Variants in HMGA2 observed in about 807,000 individuals in gnomAD.
The protein encoded by HMGA2 is high mobility group protein HMGI-C.
A neutral mutation model predicts 19.1 loss-of-function variants in HMGA2; 8 were observed. That is an observed-to-expected ratio of 0.42 (90% CI 0.25 to 0.76). The LOEUF is 0.76. Among genes scored for constraint, HMGA2 ranks in the 30% least tolerant of loss-of-function variants. The pLI, the probability that HMGA2 is intolerant of heterozygous loss-of-function variation, is 0.28. For missense variants in HMGA2, 109 were observed against 136.3 expected, an observed-to-expected ratio of 0.80 and a Z score of 1.00; for synonymous variants, 60 against 48.8, an observed-to-expected ratio of 1.23 and a Z score of -0.96.
chr12:65,939,144 A>G (rs888244356), intron 3 of HMGA2, among the ~76,000 whole-genome samples: 2 of 152,166 alleles, frequency 1.3e-5, no homozygotes, highest in Non-Finnish European at 2.9e-5. Flanking sequence ...CATAGTAGGG[A>G]CTGAGTGAGT....
intron 3 of HMGA2, among the ~76,000 whole-genome samples, chr12:65,943,246 A>G (rs11175975): frequency 0.011 from 1,651 of 152,362 alleles, 16 homozygotes; most frequent in Middle Eastern, 0.034. Context: ...CCACTTCATC[A>G]GGTCAGAATC....
In HMGA2 at chr12:65,933,628, C is replaced by T. The variant is rs190402975; in HGVS notation, c.250-17755C>T. ...TTTACCAAACTATACCTTGCTTCCT[C>T]AGTAGCTATGCATAGGTAAGTCTGT... On this transcript the variant is annotated intron_variant, in intron 3 of 4. Coordinates refer to ENST00000403681, the MANE Select transcript of HMGA2 (RefSeq NM_003483.6). Among the ~76,000 whole-genome samples the T allele has an allele frequency of 3.3e-5, 5 of 152,306 alleles. 2 individuals carry two copies. Among genetic ancestry groups the T allele is most frequent in the Admixed American group, 2.6e-4 (4 of 15,296 alleles).
intron 3 of HMGA2, chr12:65,866,837 G>T (rs1422400963): frequency 2.2e-6 from 1 of 456,916 alleles, no homozygotes; most frequent in Non-Finnish European, 4.4e-6. Context: ...AAGATTGCTT[G>T]CCATTGCCCT....
intron 3 of HMGA2, chr12:65,856,525 T>C (rs1871750416): frequency 6.6e-6 from 1 of 152,256 alleles, no homozygotes; most frequent in South Asian, 2.1e-4. Context: ...CCATTGGGAA[T>C]GTTGACCACA....
intron 3 of HMGA2, among the ~76,000 whole-genome samples, chr12:65,905,258 C>G (rs1435629338): frequency 6.6e-6 from 1 of 151,530 alleles, no homozygotes; most frequent in East Asian, 1.9e-4. Flanking sequence ...GTATAATTAA[C>G]AATATTGATA....
chr12:65,894,819 G>A (rs992219061), intron 3 of HMGA2, among the ~76,000 whole-genome samples: 3 of 152,168 alleles, frequency 2.0e-5, no homozygotes, highest in African/African-American at 7.2e-5. Flanking sequence ...CATAAACAGT[G>A]ATGCAATAAC....
intron 3 of HMGA2, among the ~76,000 whole-genome samples, chr12:65,875,826 G>T (rs1009980033): frequency 1.3e-5 from 2 of 151,600 alleles, no homozygotes; most frequent in African/African-American, 4.8e-5. Context: ...CAACTTGGTG[G>T]ATGTTTTTCT....
chr12:65,868,307 G>A (rs1489355626), intron 3 of HMGA2, among the ~76,000 whole-genome samples: 1 of 151,966 alleles, frequency 6.6e-6, no homozygotes, highest in Non-Finnish European at 1.5e-5. Context: ...TCTTTGTTCT[G>A]GCTTCATTTT....
chr12:65,859,337 T>C (rs1871923707), intron 3 of HMGA2: 1 of 152,258 alleles, frequency 6.6e-6, no homozygotes, highest in South Asian at 2.1e-4. Context: ...GTCTCTCCCC[T>C]GCTCTTGTTA....
intron 4 of HMGA2, chr12:65,952,584 G>C: frequency 8.5e-7 from 1 of 1,175,382 alleles, no homozygotes; most frequent in African/African-American, 1.6e-5. Flanking sequence ...GTGGGAGAGG[G>C]GTGCTAAAAA....
intron 4 of HMGA2, 158 bp downstream of exon 4, chr12:65,951,573 A>G: frequency 3.3e-6 from 2 of 601,648 alleles, no homozygotes; most frequent in South Asian, 4.8e-5. Flanking sequence ...AAAGTTAGGA[A>G]TATATAGTCT....
intron 3 of HMGA2, among the ~76,000 whole-genome samples, chr12:65,925,282 C>A (rs1875467944): frequency 6.6e-6 from 1 of 151,976 alleles, no homozygotes; most frequent in Admixed American, 6.6e-5. Context: ...CAAACGTGTC[C>A]CAAATTTGAA....
intron 2 of HMGA2, chr12:65,828,351 A>G (rs1324985590): frequency 3.9e-6 from 1 of 259,402 alleles, no homozygotes; most frequent in African/African-American, 3.1e-5. Flanking sequence ...AAACGGGTAG[A>G]AGTGAGGAAG....
chr12:65,930,949 G>GA (rs1385635232), intron 3 of HMGA2, among the ~76,000 whole-genome samples: 2 of 152,040 alleles, frequency 1.3e-5, no homozygotes, highest in African/African-American at 4.8e-5. Flanking sequence ...ACTAAGACAG[G>GA]AAAAAAGGAA....
At chr12:65,902,937 G>T (rs1874432852) in intron 3 of HMGA2, among the ~76,000 whole-genome samples, 1 of 152,126 alleles carries the variant, frequency 6.6e-6, no homozygotes, top group South Asian at 2.1e-4. Flanking sequence ...TTTGTAGAGT[G>T]AGATAGTTAT....
chr12:65,871,106 T>C (rs771479689), intron 3 of HMGA2, among the ~76,000 whole-genome samples: 2 of 152,244 alleles, frequency 1.3e-5, no homozygotes, highest in African/African-American at 2.4e-5. Context: ...CATAATTACT[T>C]GCTACACTAA....
intron 3 of HMGA2, among the ~76,000 whole-genome samples, chr12:65,864,733 G>A (rs756051161): frequency 4.2e-4 from 64 of 152,274 alleles, no homozygotes; most frequent in Non-Finnish European, 7.5e-4. Context: ...CTTCTGGATT[G>A]TATGTGCAGT....
At chr12:65,960,422 T>C (rs1876720412) in intron 4 of HMGA2, among the ~76,000 whole-genome samples, 2 of 152,038 alleles carry the variant, frequency 1.3e-5, no homozygotes, top group South Asian at 4.1e-4. Flanking sequence ...ACAGGGAGGA[T>C]TTTTCTTCTC....
chr12:65,927,845 GTGTGTGTA>G (rs1875563087), intron 3 of HMGA2, among the ~76,000 whole-genome samples: 3 of 149,688 alleles, frequency 2.0e-5, no homozygotes, highest in African/African-American at 2.4e-5. Context: ...GTGTGTGTGT[GTGTGTGTA>G]TATATATTTT....
Sources: allele counts gnomAD v4.1 joint callset (sites outside exome capture counted in the v4.1 genomes callset), GRCh38; gene constraint gnomAD v4.1.1; transcripts MANE v1.5; gene names NCBI Gene and HGNC (gene_info 2026-07-23, HGNC 2026-07-21).